Variants in ANKRD1 observed in about 807,000 individuals in gnomAD.
ANKRD1 encodes the protein ankyrin repeat domain-containing protein 1.
In ANKRD1, 32 loss-of-function variants were observed where a neutral mutation model predicts 40.1. The ratio of observed to expected loss-of-function variants is 0.80; its 90% confidence interval spans 0.60 to 1.07. The LOEUF (loss-of-function observed/expected upper bound fraction) is 1.07. Among genes scored for constraint, ANKRD1 ranks in the 50% least tolerant of loss-of-function variants. ANKRD1 has a pLI of 0.00. For missense variants in ANKRD1, 359 were observed against 386.0 expected, an observed-to-expected ratio of 0.93 and a Z score of 0.59; for synonymous variants, 149 against 141.2, an observed-to-expected ratio of 1.06 and a Z score of -0.39.
Position 90,920,317 on chromosome 10 carries a change from GC to G in ANKRD1, c.58del (p.Ala20GlnfsTer20). 6.2e-7 allele frequency: 1 copy of G among 1,614,128 alleles called. No homozygotes were observed. Among genetic ancestry groups the G allele is most frequent in the South Asian group, 1.1e-5 (1 of 91,078 alleles). On this transcript the variant is annotated frameshift_variant, in exon 2 of 9. Coordinates refer to ENST00000371697, the MANE Select transcript of ANKRD1 (RefSeq NM_014391.3). LOFTEE classifies it high-confidence loss of function. The part of the protein sequence containing the change: ...VTGKKNGNGE[A>X]GEFLPEDFRD... ...GAAATCCTCAGGAAGGAATTCCCCTGCCTCCCCATTGCCATTCTTCTTTCCA... is the reference window on the plus strand; with the variant it reads ...GAAATCCTCAGGAAGGAATTCCCCTGCTCCCCATTGCCATTCTTCTTTCCA...
At chr10:90,915,240 T>C (rs1477204653) in intron 8 of ANKRD1, among the ~76,000 whole-genome samples, 4 of 152,232 alleles carry the variant, frequency 2.6e-5, no homozygotes, top group South Asian at 2.1e-4. Flanking sequence ...ATTGGACTTC[T>C]AGGTGTTTGT....
In ANKRD1 at chr10:90,912,788, A is replaced by G. The variant is rs557441275; in HGVS notation, c.*78T>C. 3.8e-6 allele frequency: 5 copies of G among 1,299,366 alleles called. No individual in the cohort carries two copies. The East Asian group carries it at 9.2e-5, about 24-fold the overall frequency. The allele number at this position is 1,299,366 out of a possible 1,614,324, so 80.5% of individuals were successfully genotyped here. On this transcript the variant is annotated 3_prime_UTR_variant, in exon 9 of 9. Transcript: ENST00000371697. ...CGTTGATAAATAGAAACTAGATTTT[A>G]TGGCTAGTGTCTCTTCTCTTGGGCC... is the stretch of plus-strand genomic sequence containing the variant.
In ANKRD1 at chr10:90,916,289, C is replaced by G; in HGVS notation, c.553-20G>C. The G allele has an allele frequency of 1.3e-6, 2 of 1,576,360 alleles. No individual in the cohort carries two copies. Among genetic ancestry groups the G allele is most frequent in the Non-Finnish European group, 1.7e-6 (2 of 1,145,910 alleles). ...TTCAAGCTATACCGGGAGGGAAGAC[C>G]CGACAATGTGAAGGAGAATGTGGTC... is the stretch of plus-strand genomic sequence containing the variant. On this transcript the variant is annotated intron_variant, in intron 5 of 8. Transcript: ENST00000371697.
chr10:90,920,904 C>T, intron 1 of ANKRD1, 97 bp downstream of exon 1: 1 of 1,186,614 alleles, frequency 8.4e-7, no homozygotes, highest in East Asian at 2.4e-5. Flanking sequence ...TTCAGAGTTC[C>T]CTTGCATTAC....
rs1589507610 is a variant in ANKRD1 at position 90,912,888 on chromosome 10, G to A, written c.938C>T (p.Thr313Ile). The A allele has an allele frequency of 1.9e-6, 3 of 1,613,876 alleles. No homozygotes were observed. Among genetic ancestry groups the A allele is most frequent in the Non-Finnish European group, 8.5e-7 (1 of 1,179,888 alleles). The change falls in exon 9 of 9, where the codon ACC (threonine) becomes ATC (isoleucine). Residue 313 changes from threonine (T) to isoleucine (I), a missense_variant. By Grantham distance (89) the Thr-to-Ile change is moderately conservative. Coordinates refer to ENST00000371697, the MANE Select transcript of ANKRD1 (RefSeq NM_014391.3). ...GCCTCAGAATGTAGCTATGCGAGAG[G>A]TCTTGTAGGAGTTCTCTCTGAGGCT... ...FDSLRENSYK[T>I]SRIATF is the part of the protein sequence containing the mutation.
rs886047476 is a variant in ANKRD1 at position 90,912,291 on chromosome 10, T to TGAAA, written c.*574_*575insTTTC. 1 of 70,630 alleles carries TGAAA rather than the reference T, an allele frequency of 1.4e-5. No individual in the cohort carries two copies. Among genetic ancestry groups the TGAAA allele is most frequent in the Admixed American group, 1.9e-4 (1 of 5,314 alleles). The allele number at this position is 70,630 out of a possible 1,614,324, so 4.4% of individuals were successfully genotyped here. A position where few individuals can be genotyped will look rare whatever the true frequency, so the allele number is the denominator to read the frequency against. ...TCACTTGGGTACTCTGTGTACTCGG[T>TGAAA]AAAAAAAAAAAAAAAAAAAAAAAAA... is the stretch of plus-strand genomic sequence containing the variant. On this transcript the variant is annotated 3_prime_UTR_variant, in exon 9 of 9. Transcript: ENST00000371697.
At chr10:90,919,523 G>A (rs1847412050) in intron 2 of ANKRD1, among the ~76,000 whole-genome samples, 2 of 152,114 alleles carry the variant, frequency 1.3e-5, no homozygotes, top group Admixed American at 6.5e-5. Context: ...GACCAATTGA[G>A]GACACGATCT....
intron 6 of ANKRD1, 32 bp downstream of exon 6, chr10:90,916,139 G>A: frequency 6.7e-7 from 1 of 1,481,950 alleles, no homozygotes; most frequent in Non-Finnish European, 9.3e-7. Flanking sequence ...GGGGGAGGGG[G>A]TGAATGAAGG....
intron 8 of ANKRD1, among the ~76,000 whole-genome samples, chr10:90,914,441 G>GA (rs1013471992): frequency 5.9e-5 from 9 of 151,780 alleles, no homozygotes; most frequent in East Asian, 1.9e-4. Context: ...CTCACTGCCT[G>GA]AAAAAAAATC....
chr10:90,916,412 A>G, intron 5 of ANKRD1, 143 bp from the exon 6 acceptor site: 1 of 702,248 alleles, frequency 1.4e-6, no homozygotes, highest in Non-Finnish European at 2.6e-6. Context: ...TTCTTACCAA[A>G]TGTGTTAGCT....
At position 90,916,690 on chromosome 10, in the gene ANKRD1, A is replaced by G. The variant is rs563263877; in HGVS notation, c.553-421T>C. ...ACACAACTAATAAGAGGCAGAATAC[A>G]CAGTCAAACTCCCCTCTGCCTGGAA... is the stretch of plus-strand genomic sequence containing the variant. On this transcript the variant is annotated intron_variant, in intron 5 of 8. Coordinates refer to ENST00000371697, the MANE Select transcript of ANKRD1 (RefSeq NM_014391.3). Among the ~76,000 whole-genome samples, 34 of 152,332 alleles carry G rather than the reference A, an allele frequency of 2.2e-4. 1 individual carries two copies. The highest frequency in any genetic ancestry group is 7.2e-4 in the African/African-American group (30 of 41,570).
Position 90,915,811 on chromosome 10 carries a change from A to G in ANKRD1, c.721T>C (p.Cys241Arg), listed in dbSNP as rs1158394897. The change falls in exon 7 of 9, where the codon TGT (cysteine) becomes CGT (arginine). Residue 241 changes from cysteine (C) to arginine (R), a missense_variant. Cys to Arg is a radical substitution (Grantham distance 180). Transcript: ENST00000371697. ...TCTTTGGCGTTGAGGTCTGCCTCAC[A>G]GGCGATAAGATGCTCCGCGCACTCA... The part of the protein sequence containing the change: ...HYECAEHLIA[C>R]EADLNAKDRE... The G allele has an allele frequency of 1.2e-6, 2 of 1,613,650 alleles. No individual in the cohort carries two copies. Among genetic ancestry groups the G allele is most frequent in the Non-Finnish European group, 1.7e-6 (2 of 1,179,944 alleles).
chr10:90,918,059 A>G lies in ANKRD1; in HGVS notation c.454-229T>C, dbSNP rs76840290. Among the ~76,000 whole-genome samples the G allele has an allele frequency of 7.1e-3, 1,077 of 152,334 alleles. 39 individuals carry two copies. Among genetic ancestry groups the G allele is most frequent in the Admixed American group, 0.059 (904 of 15,300 alleles). ...TACATTTCCAAGGGCTCAAAGGCCT[A>G]CGTTGAGGAGTGTGAACTTAAAGGC... is the stretch of plus-strand genomic sequence containing the variant. On this transcript the variant is annotated intron_variant, in intron 4 of 8. Coordinates refer to ENST00000371697, the MANE Select transcript of ANKRD1 (RefSeq NM_014391.3).
rs886047475 is a variant in ANKRD1 at position 90,912,239 on chromosome 10, T to C, written c.*627A>G. On this transcript the variant is annotated 3_prime_UTR_variant, in exon 9 of 9. Coordinates refer to ENST00000371697, the MANE Select transcript of ANKRD1 (RefSeq NM_014391.3). Reference sequence around the variant, plus strand: ...CCCAGTTTGCCGCTCCTTCCACTGATTTGCACTTACACTCATGACGTTCTC... The same window carrying C: ...CCCAGTTTGCCGCTCCTTCCACTGACTTGCACTTACACTCATGACGTTCTC... The C allele has an allele frequency of 2.1e-5, 3 of 140,786 alleles. No individual in the cohort carries two copies. Among genetic ancestry groups the C allele is most frequent in the East Asian group, 4.2e-4 (2 of 4,774 alleles). The allele number at this position is 140,786 out of a possible 1,614,324, so 8.7% of individuals were successfully genotyped here.
chr10:90,917,055 AT>A (rs951959482), intron 5 of ANKRD1, among the ~76,000 whole-genome samples: 4 of 150,228 alleles, frequency 2.7e-5, no homozygotes, highest in South Asian at 2.1e-4. Context: ...TTGTTTCTTG[AT>A]TTTTTTTTCA....
At chr10:90,917,900 T>A (rs1847389505) in intron 4 of ANKRD1, 70 bp from the exon 5 acceptor site, 3 of 1,294,770 alleles carry the variant, frequency 2.3e-6, no homozygotes, top group Non-Finnish European at 3.3e-6. Context: ...TTTTAAGAGC[T>A]ATGAAGCTGG....
At chr10:90,915,663 G>A in intron 7 of ANKRD1, 22 bp from the exon 8 acceptor site, 1 of 1,611,962 alleles carries the variant, frequency 6.2e-7, no homozygotes, top group African/African-American at 1.3e-5. Context: ...GAGTCAACAG[G>A]TTCAAGGTGG....
Position 90,915,783 on chromosome 10 carries a change from C to T in ANKRD1, c.749G>A (p.Arg250Lys), listed in dbSNP as rs997537833. The T allele has an allele frequency of 6.2e-7, 1 of 1,613,910 alleles. No homozygotes were observed. Among genetic ancestry groups the T allele is most frequent in the African/African-American group, 1.3e-5 (1 of 74,934 alleles). The part of the protein sequence containing the change: ...ACEADLNAKD[R>K]EGDTPLHDAV... ...ACCCGAGCGTGTCCAGCTACTCACT[C>T]TGTCTTTGGCGTTGAGGTCTGCCTC... The change falls in exon 7 of 9, where the codon AGA becomes AAA. Residue 250 changes from arginine to lysine, a missense_variant and splice_region_variant. By Grantham distance (26) the Arg-to-Lys change is conservative. Transcript: ENST00000371697.
At position 90,920,168 on chromosome 10, in the gene ANKRD1, C is replaced by A; in HGVS notation, c.207+1G>T. 4 of 1,613,490 alleles carry A rather than the reference C, an allele frequency of 2.5e-6. No homozygotes were observed. The highest frequency in any genetic ancestry group is 3.4e-6 in the Non-Finnish European group (4 of 1,180,008). On this transcript the variant is annotated splice_donor_variant, in intron 2 of 8. Transcript: ENST00000371697. LOFTEE classifies it high-confidence loss of function. ...TAGTGGATTCCACAGATGGCTCTCA[C>A]CTCTGCCTCTCGTTGTTTCTCGCTT...
Sources: gnomAD v4.1 joint callset for allele counts (sites outside exome capture counted in the v4.1 genomes callset) on GRCh38, gnomAD v4.1.1 for gene constraint, MANE v1.5 for transcripts, NCBI Gene and HGNC (gene_info 2026-07-23, HGNC 2026-07-21) for gene names.